The following PPP2R2B variants were observed in gnomAD, a reference collection of about 807,000 sequenced individuals.
PPP2R2B encodes the protein protein phosphatase 2 regulatory subunit Bbeta, also known as serine/threonine-protein phosphatase 2A 55 kDa regulatory subunit B beta isoform.
PPP2R2B carries 5 observed loss-of-function variants against 46.0 expected under a neutral mutation model. The ratio of observed to expected loss-of-function variants is 0.11; its 90% confidence interval spans 0.06 to 0.23. The LOEUF (loss-of-function observed/expected upper bound fraction) is 0.23, where lower values mean the gene tolerates loss of function less well. Ranked by LOEUF, PPP2R2B falls within the 10% of genes least tolerant of loss-of-function variation. The pLI, the probability that PPP2R2B is intolerant of heterozygous loss-of-function variation, is 1.00. For synonymous variants in PPP2R2B, 215 were observed against 206.7 expected (o/e 1.04, Z -0.34); for missense variants, 367 against 575.0 (o/e 0.64, Z 3.70).
At chr5:147,007,323 G>T (rs1009661710) in intron 1 of PPP2R2B, among the ~76,000 whole-genome samples, 1 of 152,158 alleles carries the variant, frequency 6.6e-6, no homozygotes, top group South Asian at 2.1e-4. Context: ...TCTGGGTCAG[G>T]TGGGGACTTG....
At chr5:146,929,220 T>A (rs1763886642) in intron 1 of PPP2R2B, among the ~76,000 whole-genome samples, 1 of 152,182 alleles carries the variant, frequency 6.6e-6, no homozygotes, top group Non-Finnish European at 1.5e-5. Context: ...TTCTACTATA[T>A]GATTTACTTA....
chr5:146,870,820 C>T (rs1251804208), intron 2 of PPP2R2B, among the ~76,000 whole-genome samples: 1 of 152,142 alleles, frequency 6.6e-6, no homozygotes, highest in East Asian at 1.9e-4. Context: ...TGTAAGCGAT[C>T]AAGTCATTTA....
At chr5:146,879,013 C>A (rs774307562), upstream of PPP2R2B, 7 of 881,330 alleles carry the variant, frequency 7.9e-6, no homozygotes, top group Non-Finnish European at 8.6e-6. Flanking sequence ...CACGTCTACG[C>A]TAGCACCCAG....
chr5:146,961,455 T>C (rs1439037483), intron 1 of PPP2R2B, among the ~76,000 whole-genome samples: 1 of 152,220 alleles, frequency 6.6e-6, no homozygotes, highest in Non-Finnish European at 1.5e-5. Flanking sequence ...CTGTAACAAC[T>C]TTAAATATTA....
chr5:146,812,559 GTATATATA>G (rs756797458), intron 2 of PPP2R2B, among the ~76,000 whole-genome samples: 303 of 1,836 alleles, frequency 0.17, 67 homozygotes, highest in East Asian at 0.25. Flanking sequence ...CCTCAGAAGA[GTATATATA>G]TATATATATA....
chr5:146,986,421 G>A (rs1753431573), intron 1 of PPP2R2B, among the ~76,000 whole-genome samples: 1 of 152,194 alleles, frequency 6.6e-6, no homozygotes, highest in African/African-American at 2.4e-5. Flanking sequence ...ACCATTGGCT[G>A]ACTCAAGTGT....
intron 2 of PPP2R2B, among the ~76,000 whole-genome samples, chr5:146,741,196 C>T (rs1034678682): frequency 2.6e-4 from 40 of 152,206 alleles, no homozygotes; most frequent in African/African-American, 9.6e-4. Flanking sequence ...AAGGATGGAG[C>T]ACATGCAGTA....
Position 146,897,166 on chromosome 5 carries a change from T to A in PPP2R2B, c.79+158499A>T, listed in dbSNP as rs111274958. ...GAGAGAAGACAGGTAAGTGGAGGAA[T>A]GATGACAGATTGAGGGCACAGCCAA... On this transcript the variant is annotated intron_variant, in intron 1 of 8. Coordinates refer to the PPP2R2B transcript ENST00000336640. Among the ~76,000 whole-genome samples, 1,212 of 152,194 alleles carry A rather than the reference T, an allele frequency of 8.0e-3. 17 individuals are homozygous for A. The highest frequency in any genetic ancestry group is 0.028 in the African/African-American group (1,175 of 41,518).
intron 6 of PPP2R2B, among the ~76,000 whole-genome samples, 190 bp from the exon 7 acceptor site, chr5:146,638,605 C>A (rs1427304178): frequency 6.6e-6 from 1 of 152,162 alleles, no homozygotes; most frequent in Non-Finnish European, 1.5e-5. Flanking sequence ...CCCAGGGTTA[C>A]CCAGTAGTCA....
chr5:146,937,815 G>C (rs1764203783), intron 1 of PPP2R2B, among the ~76,000 whole-genome samples: 1 of 152,146 alleles, frequency 6.6e-6, no homozygotes, highest in Admixed American at 6.5e-5. Flanking sequence ...GCTTCTGTAT[G>C]TACAATGTTT....
upstream of PPP2R2B, among the ~76,000 whole-genome samples, chr5:147,059,310 G>T (rs923563343): frequency 1.3e-5 from 2 of 151,996 alleles, no homozygotes; most frequent in Non-Finnish European, 2.9e-5. Flanking sequence ...TTTGCATTAG[G>T]CATTATTTAT....
intron 1 of PPP2R2B, among the ~76,000 whole-genome samples, chr5:146,900,489 TCTTTCCTTTCTC>T (rs1251990468): frequency 2.0e-5 from 3 of 152,018 alleles, no homozygotes; most frequent in Non-Finnish European, 4.4e-5. Flanking sequence ...CCCTTCCTTT[TCTTTCCTTTCTC>T]CTTTCCTTTC....
At chr5:146,866,983 G>C (rs1761348965) in intron 2 of PPP2R2B, among the ~76,000 whole-genome samples, 1 of 152,198 alleles carries the variant, frequency 6.6e-6, no homozygotes, top group South Asian at 2.1e-4. Context: ...AGGTTGAGTT[G>C]CATGTTTACT....
At chr5:146,719,034 T>C (rs1371608833) in intron 2 of PPP2R2B, among the ~76,000 whole-genome samples, 1 of 152,230 alleles carries the variant, frequency 6.6e-6, no homozygotes, top group Admixed American at 6.5e-5. Flanking sequence ...AAATGAGATT[T>C]GCTGTCCATT....
Position 146,951,135 on chromosome 5 carries a change from A to G in PPP2R2B, c.79+104530T>C, listed in dbSNP as rs76063740. 6.1e-3 allele frequency among the ~76,000 whole-genome samples: 923 copies of G among 152,090 alleles called. 26 individuals are homozygous for G. The East Asian group carries it at 0.075, about 12-fold the overall frequency. ...CTGGAGATGAACTCCAGATTTAAATAAAGCATTATTTCTGAGAATGGTACT... is the reference window on the plus strand; with the variant it reads ...CTGGAGATGAACTCCAGATTTAAATGAAGCATTATTTCTGAGAATGGTACT... On this transcript the variant is annotated intron_variant, in intron 1 of 8. Transcript: ENST00000336640.
At chr5:146,600,230 C>A (rs1771644582) in intron 8 of PPP2R2B, 61 bp downstream of exon 8, 2 of 1,552,882 alleles carry the variant, frequency 1.3e-6, no homozygotes, top group East Asian at 2.3e-5. Flanking sequence ...GAAGCAGGGG[C>A]TGACTTAAAA....
chr5:146,915,909 A>C (rs954273342), intron 1 of PPP2R2B, among the ~76,000 whole-genome samples: 4 of 152,184 alleles, frequency 2.6e-5, no homozygotes, highest in African/African-American at 4.8e-5. Flanking sequence ...AAACTCTTTT[A>C]AGAAAACTTA....
At position 146,589,966 on chromosome 5, in the gene PPP2R2B, A is replaced by AAT; in HGVS notation, c.1311_1312dup (p.Phe438TyrfsTer22). ...GTCCACCTAGTTAACCTTGTCCTGGAATATATATAGGTTATTTGTAGCCGC... is the reference window on the plus strand; with the variant it reads ...GTCCACCTAGTTAACCTTGTCCTGGAATATATATATAGGTTATTTGTAGCCGC... On this transcript the variant is annotated frameshift_variant, in exon 10 of 10. Transcript: ENST00000394411. LOFTEE classifies it high-confidence loss of function. The AAT allele has an allele frequency of 6.2e-7, 1 of 1,613,842 alleles. No homozygotes were observed. The highest frequency in any genetic ancestry group is 8.5e-7 in the Non-Finnish European group (1 of 1,179,736).
chr5:146,783,253 T>C (rs1755643744), intron 2 of PPP2R2B, among the ~76,000 whole-genome samples: 1 of 152,204 alleles, frequency 6.6e-6, no homozygotes, highest in South Asian at 2.1e-4. Context: ...GTTTAATTTA[T>C]GGCCCAGGTT....
Sources: allele counts gnomAD v4.1 joint callset (sites outside exome capture counted in the v4.1 genomes callset), GRCh38; gene constraint gnomAD v4.1.1; transcripts MANE v1.5; gene names NCBI Gene and HGNC (gene_info 2026-07-23, HGNC 2026-07-21).